Variants in OR7C1 observed in about 807,000 individuals in gnomAD.
OR7C1 encodes the protein olfactory receptor family 7 subfamily C member 1, also known as olfactory receptor 7C1.
For missense variants in OR7C1, 324 were observed against 383.3 expected (o/e 0.85, Z 1.29); for synonymous variants, 152 against 160.7 (o/e 0.95, Z 0.41).
intron 1 of OR7C1, chr19:14,825,216 T>C (rs528689825): frequency 6.6e-6 from 1 of 152,214 alleles, no homozygotes; most frequent in African/African-American, 2.4e-5. Flanking sequence ...GGGTGACAGA[T>C]TGAGATCTTG....
intron 1 of OR7C1, among the ~76,000 whole-genome samples, chr19:14,814,833 C>T (rs1232671493): frequency 6.6e-6 from 1 of 152,176 alleles, no homozygotes; most frequent in Non-Finnish European, 1.5e-5. Context: ...AAACACACCT[C>T]GTTATACCCC....
At chr19:14,831,534 T>C (rs1302529475) in intron 1 of OR7C1, among the ~76,000 whole-genome samples, 6 of 152,036 alleles carry the variant, frequency 3.9e-5, no homozygotes, top group African/African-American at 1.4e-4. Flanking sequence ...AAGCTCAGCC[T>C]CCCGGGTTCA....
intron 1 of OR7C1, chr19:14,828,259 CAGAG>C (rs746661340): frequency 5.7e-6 from 9 of 1,584,818 alleles, no homozygotes; most frequent in Middle Eastern, 1.7e-4. Context: ...AAGTGACTAT[CAGAG>C]AGAGAGAGAG....
In OR7C1 at chr19:14,809,462, C is replaced by CAGATTGAAAGCAAGAAGAAACAG. The variant is rs2044680919; in HGVS notation, c.-435+321_-435+343dup. On this transcript the variant is annotated intron_variant, in intron 2 of 4. Coordinates refer to ENST00000641666, the Ensembl canonical transcript of OR7C1. The stretch of plus-strand genomic sequence containing the variant: ...AGAAACAGTAATGGAGAGCAAGAAA[C>CAGATTGAAAGCAAGAAGAAACAG]AGATTGAAAGCAAGAAGAAACAGAG... 1.3e-5 allele frequency among the ~76,000 whole-genome samples: 2 copies of CAGATTGAAAGCAAGAAGAAACAG among 150,842 alleles called. 1 individual carries two copies. Among genetic ancestry groups the CAGATTGAAAGCAAGAAGAAACAG allele is most frequent in the African/African-American group, 4.9e-5 (2 of 40,710 alleles).
At chr19:14,832,441 T>C (rs1333393556) in intron 1 of OR7C1, among the ~76,000 whole-genome samples, 1 of 150,618 alleles carries the variant, frequency 6.6e-6, no homozygotes, top group Admixed American at 6.6e-5. Context: ...TTTCTTTTTT[T>C]TTTTTAATGG....
At chr19:14,814,900 T>C (rs1033592969) in intron 1 of OR7C1, among the ~76,000 whole-genome samples, 2 of 152,124 alleles carry the variant, frequency 1.3e-5, no homozygotes, top group African/African-American at 2.4e-5. Flanking sequence ...ATAGAGACCA[T>C]GAGACTGGCA....
chr19:14,813,978 G>C (rs1214989185), intron 1 of OR7C1, among the ~76,000 whole-genome samples: 1 of 152,040 alleles, frequency 6.6e-6, no homozygotes, highest in African/African-American at 2.4e-5. Flanking sequence ...ATCCACATGT[G>C]TAAGAATGAA....
At chr19:14,824,295 A>C (rs1479802754) in intron 1 of OR7C1, 1 of 152,238 alleles carries the variant, frequency 6.6e-6, no homozygotes, top group African/African-American at 2.4e-5. Context: ...ATTGTGTGAC[A>C]CTAAAGTTTG....
At chr19:14,829,350 T>G (rs899499609) in intron 1 of OR7C1, among the ~76,000 whole-genome samples, 8 of 152,182 alleles carry the variant, frequency 5.3e-5, no homozygotes, top group Non-Finnish European at 8.8e-5. Context: ...ATTACAGGCA[T>G]GCACCACCAC....
At chr19:14,819,042 C>A (rs191707283) in intron 1 of OR7C1, among the ~76,000 whole-genome samples, 4 of 152,106 alleles carry the variant, frequency 2.6e-5, no homozygotes, top group East Asian at 1.9e-4. Context: ...ATATCTCCCC[C>A]CTCCCCCTGC....
chr19:14,812,330 C>T (rs979554018), intron 1 of OR7C1, among the ~76,000 whole-genome samples: 5 of 152,188 alleles, frequency 3.3e-5, no homozygotes, highest in Admixed American at 3.3e-4. Context: ...CAAAGACAGG[C>T]AGCCCGGTGC....
At position 14,799,782 on chromosome 19, in the gene OR7C1, C is replaced by T. The variant is rs755487509; in HGVS notation, c.355G>A (p.Ala119Thr). Reference sequence around the variant, plus strand: ...CAGACGGCCACGAAGCGGTCATAGGCCATCACGGTCAAGAGTAAATTGTCC... The same window carrying T: ...CAGACGGCCACGAAGCGGTCATAGGTCATCACGGTCAAGAGTAAATTGTCC... Residue 119 changes from alanine to threonine, a missense_variant, in exon 5 of 5, where the codon GCC becomes ACC. Ala to Thr is a moderately conservative substitution (Grantham distance 58). Coordinates refer to ENST00000641666, the Ensembl canonical transcript of OR7C1. The T allele has an allele frequency of 2.4e-5, 39 of 1,613,602 alleles. No individual in the cohort carries two copies. The South Asian group carries it at 3.8e-4, about 16-fold the overall frequency.
chr19:14,803,322 A>AAG (rs1555694309), intron 2 of OR7C1, among the ~76,000 whole-genome samples: 7 of 151,404 alleles, frequency 4.6e-5, no homozygotes, highest in Admixed American at 2.0e-4. Context: ...AAAAAAAAAA[A>AAG]AAAAGAAAAG....
chr19:14,828,397 G>T, intron 1 of OR7C1: 1 of 811,340 alleles, frequency 1.2e-6, no homozygotes, highest in Non-Finnish European at 1.9e-6. Flanking sequence ...GGATCTCCAT[G>T]TCATCTCTGA....
chr19:14,824,026 A>G (rs1219594252), intron 1 of OR7C1, among the ~76,000 whole-genome samples: 1 of 151,148 alleles, frequency 6.6e-6, no homozygotes, highest in African/African-American at 2.4e-5. Context: ...CTTTCCATTT[A>G]CCTTTTCCCC....
At chr19:14,827,465 G>A (rs201956812) in intron 1 of OR7C1, 2 of 1,613,966 alleles carry the variant, frequency 1.2e-6, no homozygotes, top group Admixed American at 1.7e-5. Flanking sequence ...CAGAACTAAG[G>A]TACACCCCTA....
chr19:14,818,062 T>TTTTTTTTA (rs1555695181), intron 1 of OR7C1, among the ~76,000 whole-genome samples: 2 of 139,460 alleles, frequency 1.4e-5, no homozygotes, highest in Non-Finnish European at 3.1e-5. Flanking sequence ...ATTTTATTTA[T>TTTTTTTTA]TTTATTTATT....
chr19:14,799,373 C>T (rs1276849319), exon 5 of OR7C1: 2 of 1,613,996 alleles, frequency 1.2e-6, no homozygotes, highest in Admixed American at 1.7e-5. Flanking sequence ...GACCCCAAAG[C>T]CCGTGCCATA....
intron 1 of OR7C1, among the ~76,000 whole-genome samples, chr19:14,831,483 C>A (rs1312256143): frequency 6.6e-6 from 1 of 151,892 alleles, no homozygotes; most frequent in Admixed American, 6.6e-5. Flanking sequence ...CTCGCTCTGT[C>A]GCCCAGGTTG....
Sources: gnomAD v4.1 joint callset for allele counts (sites outside exome capture counted in the v4.1 genomes callset) on GRCh38, gnomAD v4.1.1 for gene constraint, MANE v1.5 for transcripts, NCBI Gene and HGNC (gene_info 2026-07-23, HGNC 2026-07-21) for gene names.